Variants in TRDN observed in about 807,000 individuals in gnomAD.
TRDN encodes triadin, also known as triadin in skeletal muscle.
A neutral mutation model predicts 149.7 loss-of-function variants in TRDN; 161 were observed. The ratio of observed to expected loss-of-function variants is 1.08; its 90% CI spans 0.95 to 1.23. The LOEUF is 1.23. Among genes scored for constraint, TRDN ranks in the 50% most tolerant of loss-of-function variants. The probability of loss-of-function intolerance (pLI) is 0.00; values close to 1 mark genes in which losing one functional copy is unlikely to be tolerated. For synonymous variants in TRDN, 294 were observed against 250.5 expected, an observed-to-expected ratio of 1.17 and a Z score of -1.64; for missense variants, 896 against 823.5, an observed-to-expected ratio of 1.09 and a Z score of -1.08.
At position 123,352,508 on chromosome 6, in the gene TRDN, GATA is replaced by G. The variant is rs918126260; in HGVS notation, c.1369+28_1369+30del. 3.7e-6 allele frequency: 6 copies of G among 1,607,264 alleles called. No homozygotes were observed. In the African/African-American group the frequency reaches 8.1e-5, roughly 22 times the overall value. ...CGCATGTTGTTGTCTTTCTAAAGAA[GATA>G]ATGTCAACCTCCTTCATTTTTTTTT... is the stretch of plus-strand genomic sequence containing the variant. On this transcript the variant is annotated intron_variant, in intron 21 of 40. Coordinates refer to ENST00000334268, the MANE Select transcript of TRDN (RefSeq NM_006073.4).
chr6:123,403,321 G>A (rs1298866930), intron 12 of TRDN, among the ~76,000 whole-genome samples: 1 of 152,098 alleles, frequency 6.6e-6, no homozygotes, highest in African/African-American at 2.4e-5. Context: ...ATAGAAGGAA[G>A]CCTACCTTTA....
chr6:123,355,818 A>C (rs1780649563), intron 20 of TRDN, among the ~76,000 whole-genome samples: 1 of 151,744 alleles, frequency 6.6e-6, no homozygotes, highest in Non-Finnish European at 1.5e-5. Context: ...AAAATGTAAG[A>C]GATCTTCAAG....
At chr6:123,538,341 C>A (rs1342412601) in intron 4 of TRDN, among the ~76,000 whole-genome samples, 1 of 152,122 alleles carries the variant, frequency 6.6e-6, no homozygotes, top group Non-Finnish European at 1.5e-5. Flanking sequence ...ATCTTGTTAT[C>A]TATTTAGTGG....
chr6:123,445,306 C>T (rs1478238029), intron 10 of TRDN: 1 of 150,380 alleles, frequency 6.6e-6, no homozygotes, highest in Non-Finnish European at 1.5e-5. Context: ...TAGGCATTAC[C>T]ATTCAGGACA....
chr6:123,343,323 A>AT (rs1780132515), intron 21 of TRDN, among the ~76,000 whole-genome samples: 1 of 151,974 alleles, frequency 6.6e-6, no homozygotes, highest in South Asian at 2.1e-4. Flanking sequence ...TTCTATAACA[A>AT]TGTTATTCAT....
At chr6:123,395,886 G>A (rs943686832) in intron 12 of TRDN, among the ~76,000 whole-genome samples, 27 of 152,044 alleles carry the variant, frequency 1.8e-4, no homozygotes, top group Admixed American at 7.2e-4. Flanking sequence ...GTTTTCACCC[G>A]TCTAAAATAT....
chr6:123,274,716 C>T (rs1196914809), intron 26 of TRDN, 46 bp from the exon 27 acceptor site: 3 of 1,522,936 alleles, frequency 2.0e-6, no homozygotes, highest in Non-Finnish European at 2.7e-6. Flanking sequence ...AAAAAATAAA[C>T]TAGAATGAAA....
intron 2 of TRDN, among the ~76,000 whole-genome samples, chr6:123,565,704 G>A (rs1351625202): frequency 6.6e-6 from 1 of 152,198 alleles, no homozygotes; most frequent in East Asian, 1.9e-4. Context: ...ATCCCAGAGA[G>A]TCTAGCTGCC....
intron 12 of TRDN, among the ~76,000 whole-genome samples, chr6:123,430,769 T>C (rs1341409676): frequency 6.6e-6 from 1 of 152,154 alleles, no homozygotes; most frequent in Admixed American, 6.5e-5. Context: ...TCGCTCCTTC[T>C]GAGTTTCTAA....
At chr6:123,340,607 C>T (rs987043473) in intron 21 of TRDN, among the ~76,000 whole-genome samples, 2 of 151,970 alleles carry the variant, frequency 1.3e-5, no homozygotes, top group African/African-American at 4.8e-5. Context: ...TACTGAAGTG[C>T]TCAGAAATAT....
In TRDN at chr6:123,218,337, T is replaced by C; in HGVS notation, c.*264A>G. On this transcript the variant is annotated 3_prime_UTR_variant, in exon 41 of 41. Coordinates refer to ENST00000334268, the MANE Select transcript of TRDN (RefSeq NM_006073.4). ...CTTTAAATTAGTTTGTGTACAACCT[T>C]ATAGTGACTGGAAATAAGATAAATA... is the stretch of plus-strand genomic sequence containing the variant. The C allele has an allele frequency of 2.8e-6, 1 of 363,188 alleles. No individual in the cohort carries two copies. Among genetic ancestry groups the C allele is most frequent in the Non-Finnish European group, 5.0e-6 (1 of 198,090 alleles). The allele number at this position is 363,188 out of a possible 1,614,324, so 22.5% of individuals were successfully genotyped here.
rs5879677 is a variant in TRDN, at chr6:123,409,690, TAC to T, written c.1052-16015_1052-16014del. On this transcript the variant is annotated intron_variant, in intron 12 of 40. Transcript: ENST00000334268. ...GTCAGTTAAAACAGATAATGTAATT[TAC>T]ACACACACACACACACACACACACC... Among the ~76,000 whole-genome samples, 650 of 149,352 alleles carry T rather than the reference TAC, an allele frequency of 4.4e-3. 14 individuals carry two copies. In the East Asian group the frequency reaches 0.078, roughly 18 times the overall value.
intron 19 of TRDN, among the ~76,000 whole-genome samples, chr6:123,370,719 G>A (rs1781291501): frequency 1.3e-5 from 2 of 152,042 alleles, no homozygotes; most frequent in Admixed American, 6.6e-5. Context: ...ACCAGAATAA[G>A]CCTATTCCCT....
chr6:123,500,791 T>TA (rs1778664849), intron 8 of TRDN, among the ~76,000 whole-genome samples: 1 of 152,154 alleles, frequency 6.6e-6, no homozygotes, highest in Non-Finnish European at 1.5e-5. Context: ...AAGAAACCTG[T>TA]AATGAGGATG....
At chr6:123,466,020 T>A (rs961446357) in intron 9 of TRDN, among the ~76,000 whole-genome samples, 1 of 152,228 alleles carries the variant, frequency 6.6e-6, no homozygotes, top group Non-Finnish European at 1.5e-5. Context: ...TGGAGCTCTG[T>A]TCATCATATA....
At chr6:123,589,187 G>C (rs1274284136) in intron 1 of TRDN, among the ~76,000 whole-genome samples, 1 of 152,180 alleles carries the variant, frequency 6.6e-6, no homozygotes, top group Non-Finnish European at 1.5e-5. Flanking sequence ...AGAATCTGCA[G>C]AAAATCTCCC....
intron 19 of TRDN, among the ~76,000 whole-genome samples, chr6:123,368,809 C>T (rs190639322): frequency 6.6e-6 from 1 of 152,226 alleles, no homozygotes; most frequent in East Asian, 1.9e-4. Context: ...TATCTGATCC[C>T]ATTAATACTT....
intron 1 of TRDN, among the ~76,000 whole-genome samples, chr6:123,589,194 T>C (rs911498065): frequency 2.0e-5 from 3 of 152,196 alleles, no homozygotes; most frequent in Admixed American, 6.5e-5. Flanking sequence ...GCAGAAAATC[T>C]CCCAAATTAT....
chr6:123,533,791 A>C (rs904485931), intron 4 of TRDN, among the ~76,000 whole-genome samples: 1 of 152,126 alleles, frequency 6.6e-6, no homozygotes, highest in Non-Finnish European at 1.5e-5. Context: ...CAAATACATG[A>C]AAGGGAGGTA....
Sources: allele counts gnomAD v4.1 joint callset (sites outside exome capture counted in the v4.1 genomes callset), GRCh38; gene constraint gnomAD v4.1.1; transcripts MANE v1.5; gene names NCBI Gene and HGNC (gene_info 2026-07-23, HGNC 2026-07-21).